MUC6: variants seen among roughly 807,000 people sequenced by gnomAD.
MUC6 encodes the protein mucin 6, oligomeric mucus/gel-forming (gene/pseudogene), also known as mucin-6.
In MUC6, 188 loss-of-function variants were observed where a neutral mutation model predicts 201.5. The observed-to-expected ratio is 0.93, with a 90% confidence interval of 0.83 to 1.05. The LOEUF (loss-of-function observed/expected upper bound fraction) is 1.05, where lower values mean the gene tolerates loss of function less well. MUC6 is among the 50% of genes least tolerant of loss of function. The pLI is 0.00. For synonymous variants in MUC6, 1,228 were observed against 1,389.4 expected, an observed-to-expected ratio of 0.88 and a Z score of 2.58; for missense variants, 2,706 against 3,256.9, an observed-to-expected ratio of 0.83 and a Z score of 4.12.
chr11:1,028,627 TG>T lies in MUC6; in HGVS notation c.1591+18del. On this transcript the variant is annotated intron_variant, in intron 13 of 32. Coordinates refer to ENST00000421673, the MANE Select transcript of MUC6 (RefSeq NM_005961.3). Reference sequence around the variant, plus strand: ...GTAGGGATGAGGCAACAGGGCCACCTGGAGAGGCAGGGACTCACCTCTGGTC... The same window carrying T: ...GTAGGGATGAGGCAACAGGGCCACCTGAGAGGCAGGGACTCACCTCTGGTC... 6.2e-7 allele frequency: 1 copy of T among 1,603,982 alleles called. No homozygotes were observed. Among genetic ancestry groups the T allele is most frequent in the Non-Finnish European group, 8.5e-7 (1 of 1,175,890 alleles).
rs776847963 is a variant in MUC6, at chr11:1,016,219, T to C, written c.6582A>G (p.Ala2194=). The stretch of plus-strand genomic sequence containing the variant: ...CTGGAGAAGAAGGAAAAAGAGGAGA[T>C]GCAGACACTGATGCAGTCGTGGGAT... ...STHPTTASVS[A]SPLFPSSPAA... The change falls in exon 31 of 33, where the codon GCA becomes GCG. Residue 2194 remains alanine (A), a synonymous_variant. Coordinates refer to ENST00000421673, the MANE Select transcript of MUC6 (RefSeq NM_005961.3). 2 of 1,612,678 alleles carry C rather than the reference T, an allele frequency of 1.2e-6. No individual in the cohort carries two copies. Among genetic ancestry groups the C allele is most frequent in the Admixed American group, 3.3e-5 (2 of 59,858 alleles).
intron 25 of MUC6, 58 bp from the exon 26 acceptor site, chr11:1,023,710 C>T: frequency 1.9e-6 from 3 of 1,594,420 alleles, no homozygotes; most frequent in East Asian, 2.2e-5. Context: ...TGGCCCTGAC[C>T]CGGTGGTTCC....
intron 14 of MUC6, 36 bp from the exon 15 acceptor site, chr11:1,028,095 C>T: frequency 2.6e-6 from 4 of 1,550,200 alleles, no homozygotes; most frequent in African/African-American, 1.4e-5. Context: ...GTCCCGGCCC[C>T]TCCCATTCCA....
At position 1,031,834 on chromosome 11, in the gene MUC6, A is replaced by T. The variant is rs749472418; in HGVS notation, c.335T>A (p.Ile112Asn). The T allele has an allele frequency of 2.5e-6, 4 of 1,610,214 alleles. No homozygotes were observed. The East Asian group carries it at 6.7e-5, about 27-fold the overall frequency. The change falls in exon 3 of 33, where the codon ATC becomes AAC. Residue 112 changes from isoleucine to asparagine, a missense_variant. Coordinates refer to ENST00000421673, the MANE Select transcript of MUC6 (RefSeq NM_005961.3). ...GASVVTVSEA[I>N]ISVKDIGVIS... The stretch of plus-strand genomic sequence containing the variant: ...CTACCCGATGTCCTTGACTGAGATG[A>T]TGGCTTCGCTCACAGTGACGACGGA...
chr11:1,019,756 C>T (rs1018052461), intron 29 of MUC6: 16 of 614,076 alleles, frequency 2.6e-5, no homozygotes, highest in East Asian at 8.2e-5. Flanking sequence ...AACGGACTGT[C>T]GTCCTGTCCC....
chr11:1,024,615 G>A (rs1450334867), intron 24 of MUC6, among the ~76,000 whole-genome samples: 1 of 152,202 alleles, frequency 6.6e-6, no homozygotes, highest in African/African-American at 2.4e-5. Flanking sequence ...GGGTGCTATT[G>A]GCATCTGGTG....
At position 1,015,958 on chromosome 11, in the gene MUC6, G is replaced by T; in HGVS notation, c.6843C>A (p.Pro2281=). Residue 2281 remains proline (P), a synonymous_variant, in exon 31 of 33, where the codon CCC becomes CCA. Transcript: ENST00000421673. ...AGGTGAGTGACACAAAGCCTGATGT[G>T]GGAACTCGGGTGGTGAGAGAAGTGG... ...SRSTSLTTRV[P]TSGFVSLTSG... is the part of the protein sequence containing the mutation. 6.3e-7 allele frequency: 1 copy of T among 1,592,540 alleles called. No individual in the cohort carries two copies. The highest frequency in any genetic ancestry group is 2.2e-5 in the East Asian group (1 of 44,572).
intron 26 of MUC6, among the ~76,000 whole-genome samples, chr11:1,023,294 ATG>A (rs1269996615): frequency 6.6e-6 from 1 of 151,846 alleles, no homozygotes; most frequent in Non-Finnish European, 1.5e-5. Flanking sequence ...ATGTGCGTGA[ATG>A]AATGAATATG....
intron 30 of MUC6, 35 bp from the exon 31 acceptor site, chr11:1,018,805 T>C: frequency 6.5e-7 from 1 of 1,531,870 alleles, no homozygotes; most frequent in Non-Finnish European, 8.7e-7. Flanking sequence ...TCGTTATTGT[T>C]TTTGTTTCTC....
At position 1,018,525 on chromosome 11, in the gene MUC6, A is replaced by C. The variant is rs1856733588; in HGVS notation, c.4276T>G (p.Ser1426Ala). ...GGATAGGTAGTGGTGGCATGGAAAG[A>C]TGTTGCAGTGACAGGACCTGTGGAA... ...VPSTGPVTAT[S>A]FHATTTYPTP... The change falls in exon 31 of 33, where the codon TCT becomes GCT. Residue 1426 changes from serine to alanine, a missense_variant. Ser to Ala is a moderately conservative substitution (Grantham distance 99). Coordinates refer to ENST00000421673, the MANE Select transcript of MUC6 (RefSeq NM_005961.3). 1.9e-6 allele frequency: 3 copies of C among 1,613,566 alleles called. No homozygotes were observed. The highest frequency in any genetic ancestry group is 2.7e-5 in the African/African-American group (2 of 74,824).
intron 26 of MUC6, 34 bp from the exon 27 acceptor site, chr11:1,021,311 G>A: frequency 6.9e-7 from 1 of 1,453,722 alleles, no homozygotes; most frequent in Non-Finnish European, 9.1e-7. Flanking sequence ...CTGTGTGACT[G>A]GTGGCCAGCC....
At position 1,026,062 on chromosome 11, in the gene MUC6, C is replaced by T. The variant is rs139140152; in HGVS notation, c.2626G>A (p.Val876Ile). Residue 876 changes from valine (V) to isoleucine (I), a missense_variant, in exon 21 of 33, where the codon GTC becomes ATC. By Grantham distance (29) the Val-to-Ile change is conservative. Transcript: ENST00000421673. ...AAGCGCTGGCCGTCGAAGGTGATGA[C>T]GTGGCCCTCCCCGTAGAGGGTGCAG... ...STCTLYGEGH[V>I]ITFDGQRFVF... The T allele has an allele frequency of 7.0e-5, 111 of 1,595,456 alleles. No homozygotes were observed. The African/African-American group carries it at 7.4e-4, about 11-fold the overall frequency.
chr11:1,026,425 A>G lies in MUC6; in HGVS notation c.2448T>C (p.Asn816=). 3 of 1,608,680 alleles carry G rather than the reference A, an allele frequency of 1.9e-6. No individual in the cohort carries two copies. Among genetic ancestry groups the G allele is most frequent in the Non-Finnish European group, 2.5e-6 (3 of 1,178,384 alleles). The change falls in exon 20 of 33, where the codon AAT becomes AAC. Residue 816 remains asparagine (N), a synonymous_variant. Coordinates refer to ENST00000421673, the MANE Select transcript of MUC6 (RefSeq NM_005961.3). ...GCVCAEGLYE[N]ADGQCVPPEE... is the part of the protein sequence containing the mutation. ...CGGGGGGCACACACTGCCCGTCGGC[A>G]TTCTCGTAGAGGCCCTCGGCGCAGA... is the stretch of plus-strand genomic sequence containing the variant.
Position 1,030,216 on chromosome 11 carries a change from C to T in MUC6, c.1012G>A (p.Glu338Lys). The change falls in exon 8 of 33, where the codon GAA becomes AAA. Residue 338 changes from glutamate (E) to lysine (K), a missense_variant. Physicochemically the swap from Glu to Lys is moderately conservative, Grantham distance 56. Coordinates refer to ENST00000421673, the MANE Select transcript of MUC6 (RefSeq NM_005961.3). ...GAGTGCCTGCGACTGCCCTCACCTT[C>T]CGGGCAGAAGCACCCGAAGGTGCAG... ...SSCTFGCFCP[E>K]GTVLNDLSNN... The T allele has an allele frequency of 4.5e-6, 7 of 1,550,358 alleles. No homozygotes were observed. The highest frequency in any genetic ancestry group is 4.4e-6 in the Non-Finnish European group (5 of 1,148,314).
In MUC6 at chr11:1,015,794, G is replaced by C. The variant is rs1421627010; in HGVS notation, c.7007C>G (p.Ser2336Cys). The C allele has an allele frequency of 1.9e-6, 3 of 1,550,954 alleles. No individual in the cohort carries two copies. The highest frequency in any genetic ancestry group is 2.6e-6 in the Non-Finnish European group (3 of 1,146,580). Residue 2336 changes from serine to cysteine, a missense_variant, in exon 31 of 33, where the codon TCT (serine) becomes TGT (cysteine). Around this residue, in one of 10 missense-constraint regions of MUC6, gnomAD observed 586 missense variants for 488.0 expected, o/e 1.20. Transcript: ENST00000421673. Reference sequence around the variant, plus strand: ...GGTGGGCGTAGGTGTCCCGAGAGAAGATACCGGGGCAGAAGCAGGGGTGCT... The same window carrying C: ...GGTGGGCGTAGGTGTCCCGAGAGAACATACCGGGGCAGAAGCAGGGGTGCT... ...HGSTPASAPV[S>C]SLGTPTPTSP...
Position 1,025,294 on chromosome 11 carries a change from GT to G in MUC6, c.2872del (p.Thr958ArgfsTer5). 2 of 1,612,700 alleles carry G rather than the reference GT, an allele frequency of 1.2e-6. No homozygotes were observed. Among genetic ancestry groups the G allele is most frequent in the Non-Finnish European group, 1.7e-6 (2 of 1,179,824 alleles). ...CACGACAAGGCTCAGCGCACCCGGC[GT>G]CACCCCGAGCTGCACGTGGGGCTCC... The part of the protein sequence containing the change: ...GEEPHVQLGV[T>X]PGALSLVVDI... On this transcript the variant is annotated frameshift_variant, in exon 23 of 33. Transcript: ENST00000421673. LOFTEE classifies it high-confidence loss of function.
intron 7 of MUC6, 31 bp from the exon 8 acceptor site, chr11:1,030,366 T>TGGCCCCCCCCCCCCCCCCCCCCCCCCC: frequency 8.1e-6 from 12 of 1,489,568 alleles, no homozygotes; most frequent in East Asian, 2.5e-5. Flanking sequence ...GGTGAGAGGG[T>TGGCCCCCCCCCCCCCCCCCCCCCCCCC]CCCACCCCCC....
rs1856913086 is a variant in MUC6, at chr11:1,024,837, T to C, written c.3225+7A>G. 3 of 1,606,324 alleles carry C rather than the reference T, an allele frequency of 1.9e-6. No individual in the cohort carries two copies. The highest frequency in any genetic ancestry group is 2.2e-5 in the East Asian group (1 of 44,736). On this transcript the variant is annotated splice_region_variant and intron_variant, in intron 24 of 32. Coordinates refer to ENST00000421673, the MANE Select transcript of MUC6 (RefSeq NM_005961.3). ...GCAGGCGCACAGCCCTCGTGCCCGG[T>C]GCCCACCTTGCTGTGGCAGGTGGCA...
In MUC6 at chr11:1,013,209, T is replaced by C; in HGVS notation, c.*247A>G. On this transcript the variant is annotated 3_prime_UTR_variant, in exon 33 of 33. Coordinates refer to ENST00000421673, the MANE Select transcript of MUC6 (RefSeq NM_005961.3). ...GGGAGTGCCCTGTGTGCCTGGGAGG[T>C]CCGTGACCACTGTCCGCCTCAGTCC... is the stretch of plus-strand genomic sequence containing the variant. 1.9e-6 allele frequency: 1 copy of C among 534,754 alleles called. No individual in the cohort carries two copies. 33.1% of individuals were successfully genotyped at this position (534,754 alleles called of 1,614,324 possible). A position where few individuals can be genotyped will look rare whatever the true frequency, so the allele number is the denominator to read the frequency against.
Sources: allele counts gnomAD v4.1 joint callset (sites outside exome capture counted in the v4.1 genomes callset), GRCh38; gene constraint gnomAD v4.1.1; regional missense constraint gnomAD v4.1.1; transcripts MANE v1.5; gene names NCBI Gene and HGNC (gene_info 2026-07-23, HGNC 2026-07-21).